CACNA1C: variants seen among roughly 807,000 people sequenced by gnomAD.
CACNA1C encodes calcium voltage-gated channel subunit alpha1 C, also known as voltage-dependent L-type calcium channel subunit alpha-1C.
A neutral mutation model predicts 229.0 loss-of-function variants in CACNA1C; 30 were observed. The ratio of observed to expected loss-of-function variants is 0.13; its 90% CI spans 0.10 to 0.18. The LOEUF (loss-of-function observed/expected upper bound fraction) is 0.18, where lower values mean the gene tolerates loss of function less well. Ranked by LOEUF, CACNA1C falls within the 10% of genes least tolerant of loss-of-function variation. The pLI is 1.00. For missense variants in CACNA1C, 1,658 were observed against 2,845.0 expected (o/e 0.58, Z 9.49); for synonymous variants, 1,114 against 1,132.5 (o/e 0.98, Z 0.33).
At chr12:2,401,715 A>G (rs529486357) in intron 3 of CACNA1C, among the ~76,000 whole-genome samples, 148 of 152,376 alleles carry the variant, frequency 9.7e-4, no homozygotes, top group Non-Finnish European at 1.1e-3. Context: ...CTTAGTTCAT[A>G]GGCTCATTAT....
At chr12:2,012,735 AC>A (rs2154484055) in intron 1 of CACNA1C, among the ~76,000 whole-genome samples, 1 of 152,362 alleles carries the variant, frequency 6.6e-6, no homozygotes, top group African/African-American at 2.4e-5. Context: ...GCTGTGATGT[AC>A]AGGCAAGTAC....
chr12:2,560,751 C>T (rs886430302), intron 11 of CACNA1C, among the ~76,000 whole-genome samples: 1 of 148,732 alleles, frequency 6.7e-6, no homozygotes, highest in Admixed American at 6.8e-5. Flanking sequence ...GGCACAAATC[C>T]AAATTTGCCC....
intron 34 of CACNA1C, among the ~76,000 whole-genome samples, chr12:2,662,686 TGAA>T: frequency 6.6e-6 from 1 of 152,312 alleles, no homozygotes; most frequent in Non-Finnish European, 1.5e-5. Flanking sequence ...AGACAAATGT[TGAA>T]GAACAACAGG....
At chr12:2,093,424 G>T (rs2072274362) in intron 1 of CACNA1C, among the ~76,000 whole-genome samples, 1 of 152,246 alleles carries the variant, frequency 6.6e-6, no homozygotes, top group Non-Finnish European at 1.5e-5. Flanking sequence ...GGTTATGTTG[G>T]AGCAGGAGGA....
intron 11 of CACNA1C, among the ~76,000 whole-genome samples, chr12:2,561,300 G>T (rs140151319): frequency 6.6e-6 from 1 of 152,180 alleles, no homozygotes; most frequent in Admixed American, 6.5e-5. Context: ...CTCGCCTAAG[G>T]TGTCCTTTCG....
At chr12:1,970,959 C>A in exon 1 of CACNA1C, 1 of 586,524 alleles carries the variant, frequency 1.7e-6, no homozygotes, top group Non-Finnish European at 2.5e-6. Flanking sequence ...TGAAATGTTA[C>A]TGCAGGAATA....
intron 5 of CACNA1C, among the ~76,000 whole-genome samples, chr12:2,466,276 T>G (rs950795363): frequency 1.4e-4 from 22 of 152,174 alleles, no homozygotes; most frequent in African/African-American, 5.3e-4. Flanking sequence ...CCACAGCAGA[T>G]TTGCAATCCC....
chr12:2,421,367 T>A (rs921873696), intron 3 of CACNA1C, among the ~76,000 whole-genome samples: 1 of 152,230 alleles, frequency 6.6e-6, no homozygotes, highest in Non-Finnish European at 1.5e-5. Flanking sequence ...AGGCAATGCC[T>A]GCTTAGAACT....
intron 1 of CACNA1C, among the ~76,000 whole-genome samples, chr12:2,104,847 T>C (rs2077596744): frequency 1.3e-5 from 2 of 152,344 alleles, no homozygotes; most frequent in Middle Eastern, 3.4e-3. Context: ...CTCTCCATGC[T>C]TGGAAATAAG....
At position 2,438,287 on chromosome 12, in the gene CACNA1C, A is replaced by ATAATGG. The variant is rs1555574255; in HGVS notation, c.478-10688_478-10687insAATGGT. On this transcript the variant is annotated intron_variant, in intron 3 of 46. Transcript: ENST00000399655. Reference sequence around the variant, plus strand: ...GGTGGTGGTGGTAATGATAGTGGTAATGATGGTGGTGGTGGTGGTGGTGGT... The same window carrying ATAATGG: ...GGTGGTGGTGGTAATGATAGTGGTAATAATGGTGATGGTGGTGGTGGTGGTGGTGGT... 1.0e-3 allele frequency among the ~76,000 whole-genome samples: 23 copies of ATAATGG among 22,600 alleles called. No homozygotes were observed. The East Asian group carries it at 0.042, about 42-fold the overall frequency. 14.8% of individuals were successfully genotyped at this position (22,600 alleles called of 152,430 possible).
At chr12:2,301,636 C>T (rs528775261) in intron 3 of CACNA1C, among the ~76,000 whole-genome samples, 1 of 152,186 alleles carries the variant, frequency 6.6e-6, no homozygotes, top group Non-Finnish European at 1.5e-5. Context: ...CTGTCTTGAC[C>T]ACAGTACCCT....
At chr12:2,635,186 C>A (rs1374406241) in intron 30 of CACNA1C, among the ~76,000 whole-genome samples, 1 of 152,154 alleles carries the variant, frequency 6.6e-6, no homozygotes, top group Admixed American at 6.5e-5. Flanking sequence ...CCTCTCACAC[C>A]CCTGCCTCTG....
At chr12:2,372,339 G>A (rs1018416998) in intron 3 of CACNA1C, among the ~76,000 whole-genome samples, 9 of 152,312 alleles carry the variant, frequency 5.9e-5, no homozygotes, top group Admixed American at 4.6e-4. Flanking sequence ...CTCTTCCTGA[G>A]CTCACTATGT....
At chr12:2,487,955 T>C (rs2099703602) in intron 6 of CACNA1C, among the ~76,000 whole-genome samples, 1 of 152,182 alleles carries the variant, frequency 6.6e-6, no homozygotes, top group African/African-American at 2.4e-5. Context: ...GCAGTTGTAT[T>C]GAAATTATCA....
At chr12:2,089,912 C>A (rs926872163) in intron 1 of CACNA1C, among the ~76,000 whole-genome samples, 5 of 152,076 alleles carry the variant, frequency 3.3e-5, no homozygotes, top group African/African-American at 1.2e-4. Context: ...GCCTGTAGTC[C>A]CAGCTACTTG....
intron 1 of CACNA1C, among the ~76,000 whole-genome samples, chr12:2,012,950 AC>A (rs1313772403): frequency 4.6e-5 from 7 of 152,240 alleles, no homozygotes; most frequent in Admixed American, 3.9e-4. Flanking sequence ...CACCTAAATG[AC>A]CAGAAATATT....
chr12:2,660,522 C>T (rs949594218), intron 34 of CACNA1C: 2 of 151,600 alleles, frequency 1.3e-5, no homozygotes, highest in African/African-American at 4.9e-5. Flanking sequence ...AGAAACAGAA[C>T]ACTAAAAAAA....
At chr12:2,593,659 T>C (rs1157700694) in intron 19 of CACNA1C, among the ~76,000 whole-genome samples, 4 of 152,264 alleles carry the variant, frequency 2.6e-5, no homozygotes, top group African/African-American at 9.6e-5. Context: ...TCCTGTATAA[T>C]AGAGTGACCT....
chr12:2,653,794 T>C lies in CACNA1C; in HGVS notation c.4075-41T>C. Reference sequence around the variant, plus strand: ...CCTGGGAAGGGGCCCAGCTGGCCTCTGCACTCCAGCCTCATGGGAGTCTCC... The same window carrying C: ...CCTGGGAAGGGGCCCAGCTGGCCTCCGCACTCCAGCCTCATGGGAGTCTCC... On this transcript the variant is annotated intron_variant, in intron 32 of 46. Transcript: ENST00000399655. The surrounding 1 kb of genome is among the most constrained non-coding windows in gnomAD (Gnocchi z 4.7). 1 of 1,576,810 alleles carries C rather than the reference T, an allele frequency of 6.3e-7. No individual in the cohort carries two copies. Among genetic ancestry groups the C allele is most frequent in the East Asian group, 2.2e-5 (1 of 44,726 alleles).
Sources: allele counts gnomAD v4.1 joint callset (sites outside exome capture counted in the v4.1 genomes callset), GRCh38; gene constraint gnomAD v4.1.1; non-coding constraint Gnocchi (gnomAD v3.1); transcripts MANE v1.5; gene names NCBI Gene and HGNC (gene_info 2026-07-23, HGNC 2026-07-21).